The following RIMS2 variants were observed in gnomAD, a reference collection of about 807,000 sequenced individuals.
The protein encoded by RIMS2 is regulating synaptic membrane exocytosis 2.
Under a neutral mutation model 174.4 loss-of-function variants are expected in RIMS2, and 59 were observed. The observed-to-expected ratio is 0.34, with a 90% CI of 0.27 to 0.42. The LOEUF is 0.42. Among genes scored for constraint, RIMS2 ranks in the 10% least tolerant of loss-of-function variants. RIMS2 has a pLI of 1.00. For synonymous variants in RIMS2, 606 were observed against 572.5 expected, an observed-to-expected ratio of 1.06 and a Z score of -0.84; for missense variants, 1,620 against 1,666.3, an observed-to-expected ratio of 0.97 and a Z score of 0.48.
chr8:103,735,831 A>C (rs184011578), intron 2 of RIMS2, among the ~76,000 whole-genome samples: 25 of 152,280 alleles, frequency 1.6e-4, no homozygotes, highest in African/African-American at 6.0e-4. Flanking sequence ...ATAAGCAGAG[A>C]CATACTTCCT....
intron 19 of RIMS2, among the ~76,000 whole-genome samples, chr8:104,207,162 A>G (rs1206689977): frequency 1.3e-5 from 2 of 152,134 alleles, no homozygotes; most frequent in Admixed American, 6.6e-5. Flanking sequence ...GAGGTTCATA[A>G]TAATTTGTCT....
At chr8:103,834,692 C>CTTTCTT (rs1564828769) in intron 3 of RIMS2, among the ~76,000 whole-genome samples, 3 of 63,140 alleles carry the variant, frequency 4.8e-5, no homozygotes, top group African/African-American at 1.5e-4. Context: ...TTCTTTCTTT[C>CTTTCTT]TTTCTTTCTT....
intron 3 of RIMS2, among the ~76,000 whole-genome samples, chr8:103,795,939 C>G (rs560844771): frequency 6.6e-6 from 1 of 152,126 alleles, no homozygotes; most frequent in South Asian, 2.1e-4. Flanking sequence ...ATACTTCCTC[C>G]GAAAGTAGCA....
At position 104,197,177 on chromosome 8, in the gene RIMS2, C is replaced by CTTTT. The variant is rs34674014; in HGVS notation, c.3335-47727_3335-47724dup. Among the ~76,000 whole-genome samples, 20 of 138,578 alleles carry CTTTT rather than the reference C, an allele frequency of 1.4e-4. No individual in the cohort carries two copies. The East Asian group carries it at 2.5e-3, about 17-fold the overall frequency. 90.9% of individuals were successfully genotyped at this position (138,578 alleles called of 152,430 possible). ...GTAATTCAACAATCTTAAACATAAG[C>CTTTT]TTTTTTTTTTTTTTTGAGATGAAGT... On this transcript the variant is annotated intron_variant, in intron 19 of 23. Transcript: ENST00000504942.
chr8:104,254,034 C>T (rs1204587599), downstream of RIMS2: 7 of 152,114 alleles, frequency 4.6e-5, no homozygotes, highest in African/African-American at 1.7e-4. Flanking sequence ...CCTATAGTGT[C>T]TATACTATCC....
intron 1 of RIMS2, among the ~76,000 whole-genome samples, chr8:103,657,059 T>C (rs1171864244): frequency 6.6e-6 from 1 of 152,058 alleles, no homozygotes; most frequent in African/African-American, 2.4e-5. Flanking sequence ...CCACCTTCCC[T>C]CAAGAGAAAC....
At chr8:103,898,925 A>G (rs1594785965) in intron 4 of RIMS2, among the ~76,000 whole-genome samples, 1 of 150,380 alleles carries the variant, frequency 6.6e-6, no homozygotes, top group Admixed American at 6.6e-5. Flanking sequence ...TTCCTGTCCA[A>G]GTGTTCTCAT....
chr8:103,794,061 T>A (rs117315025), intron 3 of RIMS2, among the ~76,000 whole-genome samples: 1 of 152,150 alleles, frequency 6.6e-6, no homozygotes, highest in Non-Finnish European at 1.5e-5. Context: ...ATGACTTTCT[T>A]TACAGAATTG....
chr8:103,948,827 C>T (rs1447650632), intron 14 of RIMS2, among the ~76,000 whole-genome samples: 1 of 151,718 alleles, frequency 6.6e-6, no homozygotes, highest in African/African-American at 2.4e-5. Flanking sequence ...ATAAATTATA[C>T]CTCAATTTTA....
intron 19 of RIMS2, among the ~76,000 whole-genome samples, chr8:104,243,628 G>T (rs1222733311): frequency 3.3e-5 from 5 of 152,156 alleles, no homozygotes; most frequent in African/African-American, 1.2e-4. Context: ...GGAGGTTGCA[G>T]TGAGCAGAGA....
At chr8:104,246,773 G>A (rs2099333607) in intron 20 of RIMS2, among the ~76,000 whole-genome samples, 1 of 152,156 alleles carries the variant, frequency 6.6e-6, no homozygotes, top group African/African-American at 2.4e-5. Flanking sequence ...TGAAGCAGGA[G>A]CTGGCCTGGT....
At chr8:104,094,378 GT>G (rs2097717180) in intron 19 of RIMS2, 1 of 560,270 alleles carries the variant, frequency 1.8e-6, no homozygotes, top group African/African-American at 1.9e-5. Flanking sequence ...TGTTTTGATA[GT>G]TTTTATTACC....
chr8:103,921,315 A>G (rs1382109466), intron 9 of RIMS2, among the ~76,000 whole-genome samples: 1 of 151,876 alleles, frequency 6.6e-6, no homozygotes, highest in African/African-American at 2.4e-5. Context: ...TGCTTTAATG[A>G]TTTATGTTTT....
At chr8:103,588,851 A>T (rs1424148686) in intron 1 of RIMS2, among the ~76,000 whole-genome samples, 3 of 151,924 alleles carry the variant, frequency 2.0e-5, no homozygotes, top group African/African-American at 7.2e-5. Context: ...TGGTCTGGGC[A>T]AAAGTTTCTT....
intron 3 of RIMS2, among the ~76,000 whole-genome samples, chr8:103,778,128 A>AT (rs2098338919): frequency 6.6e-6 from 1 of 152,006 alleles, no homozygotes; most frequent in African/African-American, 2.4e-5. Flanking sequence ...TGTATTTTTG[A>AT]TTTTTTATTG....
Position 104,197,712 on chromosome 8 carries a change from C to T in RIMS2, c.3335-47204C>T, listed in dbSNP as rs545339326. Among the ~76,000 whole-genome samples, 52 of 152,076 alleles carry T rather than the reference C, an allele frequency of 3.4e-4. 1 individual carries two copies. Among genetic ancestry groups the T allele is most frequent in the Non-Finnish European group, 6.6e-4 (45 of 67,974 alleles). ...TGGTTTAAGCCAGGGACTCAGAGTG[C>T]CAGAGGATCTTCTGGGGTTGGTGGT... is the stretch of plus-strand genomic sequence containing the variant. On this transcript the variant is annotated intron_variant, in intron 19 of 23. Coordinates refer to ENST00000504942, the Ensembl canonical transcript of RIMS2.
intron 3 of RIMS2, among the ~76,000 whole-genome samples, chr8:103,858,813 T>C (rs1156688011): frequency 1.3e-5 from 2 of 151,784 alleles, no homozygotes; most frequent in East Asian, 3.9e-4. Flanking sequence ...AAGATTATAC[T>C]GGAGTAGAAC....
At chr8:103,910,371 G>C in intron 5 of RIMS2, 1 of 1,598,394 alleles carries the variant, frequency 6.3e-7, no homozygotes, top group South Asian at 1.1e-5. Flanking sequence ...AGTTTTGTCG[G>C]ACTCTAACAC....
At chr8:104,194,479 G>A (rs1036305375) in intron 19 of RIMS2, among the ~76,000 whole-genome samples, 5 of 152,008 alleles carry the variant, frequency 3.3e-5, no homozygotes, top group African/African-American at 7.3e-5. Context: ...TATAAAATAC[G>A]CTTTAGATAT....
Sources: allele counts gnomAD v4.1 joint callset (sites outside exome capture counted in the v4.1 genomes callset), GRCh38; gene constraint gnomAD v4.1.1; transcripts MANE v1.5; gene names NCBI Gene and HGNC (gene_info 2026-07-23, HGNC 2026-07-21).